The following PDCD6 variants were observed in gnomAD, a reference collection of about 807,000 sequenced individuals.
PDCD6 encodes programmed cell death protein 6.
In PDCD6, 12 loss-of-function variants were observed where a neutral mutation model predicts 28.3. The observed-to-expected ratio is 0.42, with a 90% CI of 0.27 to 0.69. The LOEUF (loss-of-function observed/expected upper bound fraction) is 0.69, where lower values mean the gene tolerates loss of function less well. PDCD6 is among the 30% of genes least tolerant of loss of function. The pLI is 0.22. For missense variants in PDCD6, 226 were observed against 269.9 expected (o/e 0.84, Z 1.14); for synonymous variants, 92 against 108.0 (o/e 0.85, Z 0.92).
intron 5 of PDCD6, among the ~76,000 whole-genome samples, chr5:312,963 T>C (rs1358622619): frequency 6.6e-6 from 1 of 152,260 alleles, no homozygotes; most frequent in Non-Finnish European, 1.5e-5. Context: ...TAAGTTAACG[T>C]TGATCTTGTG....
chr5:288,763 A>G, intron 2 of PDCD6: 1 of 692,254 alleles, frequency 1.4e-6, no homozygotes, highest in Non-Finnish European at 2.2e-6. Flanking sequence ...GGACTTTTTT[A>G]CATAAAAGTT....
At position 296,976 on chromosome 5, in the gene PDCD6, A is replaced by C. The variant is rs367880871; in HGVS notation, c.164-7201A>C. On this transcript the variant is annotated intron_variant, in intron 2 of 5. Transcript: ENST00000264933. ...CAAGTTCTCTGGTGCCCGACCCCCC[A>C]CGCACACCGTGCTGGTCTGGGCATC... is the stretch of plus-strand genomic sequence containing the variant. Among the ~76,000 whole-genome samples, 798 of 152,230 alleles carry C rather than the reference A, an allele frequency of 5.2e-3. 5 individuals are homozygous for C. Among genetic ancestry groups the C allele is most frequent in the African/African-American group, 0.019 (786 of 41,544 alleles).
intron 2 of PDCD6, among the ~76,000 whole-genome samples, chr5:295,318 A>G (rs1011333962): frequency 7.2e-5 from 11 of 152,104 alleles, no homozygotes; most frequent in Non-Finnish European, 1.5e-4. Flanking sequence ...TCCCAGAGGG[A>G]GAGAGTGGAG....
chr5:281,785 G>T (rs113316239), intron 2 of PDCD6, among the ~76,000 whole-genome samples: 16 of 149,372 alleles, frequency 1.1e-4, no homozygotes, highest in Admixed American at 3.3e-4. Flanking sequence ...ATTGAGGGTC[G>T]TGCAGCTGGA....
At chr5:312,892 A>C (rs1435344549) in intron 5 of PDCD6, among the ~76,000 whole-genome samples, 2 of 109,328 alleles carry the variant, frequency 1.8e-5, no homozygotes, top group Non-Finnish European at 3.3e-5. Flanking sequence ...TCAGATCTTC[A>C]TTTGAGGTTC....
intron 2 of PDCD6, among the ~76,000 whole-genome samples, chr5:300,756 G>A (rs1295141863): frequency 6.6e-6 from 1 of 152,228 alleles, no homozygotes; most frequent in Non-Finnish European, 1.5e-5. Flanking sequence ...AGGAAGGCGA[G>A]TGGAGACATC....
intron 2 of PDCD6, among the ~76,000 whole-genome samples, chr5:277,267 A>G (rs1323725867): frequency 1.3e-5 from 2 of 149,730 alleles, no homozygotes; most frequent in East Asian, 2.0e-4. Flanking sequence ...CTGGGACTAC[A>G]GGTGCCCACC....
chr5:299,772 A>C (rs1292674512), intron 2 of PDCD6, among the ~76,000 whole-genome samples: 1 of 151,992 alleles, frequency 6.6e-6, no homozygotes, highest in Non-Finnish European at 1.5e-5. Flanking sequence ...GATGGTCTCG[A>C]TCTCCTCACC....
In PDCD6 at chr5:307,785, G is replaced by A. The variant is rs1363655607; in HGVS notation, c.367+1025G>A. Among the ~76,000 whole-genome samples the A allele has an allele frequency of 1.3e-5, 2 of 151,886 alleles. No individual in the cohort carries two copies. Among genetic ancestry groups the A allele is most frequent in the Admixed American group, 6.6e-5 (1 of 15,248 alleles). On this transcript the variant is annotated intron_variant, in intron 4 of 5. Transcript: ENST00000264933. This position sits in a 1 kb window ranked among gnomAD's most constrained non-coding sequence, Gnocchi z 6.1. ...CCTGGAGTCTCACTTATCTAAGCAC[G>A]TCGCCTCTCCTCGTGTTTCCTCCCA... is the stretch of plus-strand genomic sequence containing the variant.
rs555365916 is a variant in PDCD6 at position 281,157 on chromosome 5, T to C, written c.163+8385T>C. 3.3e-5 allele frequency among the ~76,000 whole-genome samples: 5 copies of C among 152,376 alleles called. No homozygotes were observed. The South Asian group carries it at 6.2e-4, about 19-fold the overall frequency. ...GGACATAAGTAGATTGCAAGGCTAA[T>C]GGAAAGTAGAAAAGTTAACTCATGA... On this transcript the variant is annotated intron_variant, in intron 2 of 5. Transcript: ENST00000264933.
rs375867873 is a variant in PDCD6 at position 311,407 on chromosome 5, C to G, written c.477+5C>G. ...CAGGGCTGCATCGTCCTGCAGGTGA[C>G]GGAATGGCTTCACGTGGGTTTGTGG... is the stretch of plus-strand genomic sequence containing the variant. On this transcript the variant is annotated splice_donor_5th_base_variant and intron_variant, in intron 5 of 5. Coordinates refer to ENST00000264933, the MANE Select transcript of PDCD6 (RefSeq NM_013232.4). 1 of 1,599,888 alleles carries G rather than the reference C, an allele frequency of 6.3e-7. No homozygotes were observed. Among genetic ancestry groups the G allele is most frequent in the South Asian group, 1.1e-5 (1 of 90,674 alleles).
chr5:276,395 G>A (rs191821576), intron 2 of PDCD6: 24 of 1,001,542 alleles, frequency 2.4e-5, no homozygotes, highest in Middle Eastern at 5.0e-4. Context: ...TAGTTGTGTT[G>A]TATGTACAGG....
At chr5:287,202 C>T (rs1199621611) in intron 2 of PDCD6, among the ~76,000 whole-genome samples, 1 of 152,110 alleles carries the variant, frequency 6.6e-6, no homozygotes, top group African/African-American at 2.4e-5. Flanking sequence ...AGCTGGAGAC[C>T]TGTGGACAAG....
chr5:298,736 T>TC (rs1225892919), intron 2 of PDCD6, among the ~76,000 whole-genome samples: 2 of 23,840 alleles, frequency 8.4e-5, no homozygotes, highest in African/African-American at 1.6e-4. Context: ...ACCCAGCTGC[T>TC]CCCCCCAGCT....
intron 2 of PDCD6, among the ~76,000 whole-genome samples, chr5:287,154 G>A (rs1465885432): frequency 6.6e-6 from 1 of 151,962 alleles, no homozygotes; most frequent in Non-Finnish European, 1.5e-5. Flanking sequence ...GGAGCGCCCG[G>A]GAGGAGTAGG....
At chr5:286,070 T>A (rs901827965) in intron 2 of PDCD6, among the ~76,000 whole-genome samples, 1 of 141,708 alleles carries the variant, frequency 7.1e-6, no homozygotes, top group African/African-American at 2.8e-5. Context: ...TGGTGCAGTT[T>A]GAGGGCCATG....
In PDCD6 at chr5:314,133, C is replaced by T. The variant is rs112186684; in HGVS notation, c.478-284C>T. Among the ~76,000 whole-genome samples, 1,323 of 152,358 alleles carry T rather than the reference C, an allele frequency of 8.7e-3. 29 individuals are homozygous for T. The highest frequency in any genetic ancestry group is 0.03 in the African/African-American group (1,267 of 41,592). On this transcript the variant is annotated intron_variant, in intron 5 of 5. Transcript: ENST00000264933. The stretch of plus-strand genomic sequence containing the variant: ...GGGGGAGAAGGAAGGGCCCAGGCCC[C>T]CAGGAGACTCAGGAGACCAGAGCCT...
intron 2 of PDCD6, among the ~76,000 whole-genome samples, chr5:303,681 T>A (rs1740279063): frequency 6.6e-6 from 1 of 151,684 alleles, no homozygotes; most frequent in Admixed American, 6.6e-5. Context: ...AGGGGTCTGG[T>A]ACTTGCACCT....
At chr5:278,118 C>T (rs1738318648) in intron 2 of PDCD6, among the ~76,000 whole-genome samples, 1 of 152,132 alleles carries the variant, frequency 6.6e-6, no homozygotes, top group Non-Finnish European at 1.5e-5. Context: ...TCTGCTGGCT[C>T]CTCCGGGGTT....
Sources: gnomAD v4.1 joint callset for allele counts (sites outside exome capture counted in the v4.1 genomes callset) on GRCh38, gnomAD v4.1.1 for gene constraint, Gnocchi (gnomAD v3.1) non-coding constraint, MANE v1.5 for transcripts, NCBI Gene and HGNC (gene_info 2026-07-23, HGNC 2026-07-21) for gene names.